UBE2E2: variants seen among roughly 807,000 people sequenced by gnomAD.
UBE2E2 encodes the protein ubiquitin-conjugating enzyme E2 E2.
In UBE2E2, 6 loss-of-function variants were observed where a neutral mutation model predicts 24.7. The observed-to-expected ratio is 0.24, with a 90% CI of 0.13 to 0.48. The LOEUF (loss-of-function observed/expected upper bound fraction) is 0.48, where lower values mean the gene tolerates loss of function less well. UBE2E2 is among the 20% of genes least tolerant of loss of function. The pLI is 0.99. For missense variants in UBE2E2, 169 were observed against 245.0 expected (o/e 0.69, Z 2.07); for synonymous variants, 104 against 83.6 (o/e 1.24, Z -1.33).
At chr3:23,429,016 A>G (rs530711645) in intron 3 of UBE2E2, among the ~76,000 whole-genome samples, 39 of 152,124 alleles carry the variant, frequency 2.6e-4, no homozygotes, top group Admixed American at 5.2e-4. Context: ...AAGAAATACT[A>G]TAAACAACTT....
chr3:23,249,796 C>T (rs1477174505), intron 3 of UBE2E2, among the ~76,000 whole-genome samples: 2 of 152,178 alleles, frequency 1.3e-5, no homozygotes, highest in East Asian at 3.9e-4. Flanking sequence ...GCTGGGACTA[C>T]AGGCACCCGC....
chr3:23,250,732 T>A (rs1272716281), intron 3 of UBE2E2, among the ~76,000 whole-genome samples: 1 of 152,226 alleles, frequency 6.6e-6, no homozygotes, highest in Non-Finnish European at 1.5e-5. Context: ...AAGAATTATA[T>A]ATTCTGTTGA....
chr3:23,227,731 G>C (rs1696865180), intron 3 of UBE2E2, among the ~76,000 whole-genome samples: 1 of 152,162 alleles, frequency 6.6e-6, no homozygotes, highest in Non-Finnish European at 1.5e-5. Flanking sequence ...GAATGGAATA[G>C]CACCTGCAGG....
intron 3 of UBE2E2, among the ~76,000 whole-genome samples, chr3:23,453,759 T>C (rs1698617539): frequency 1.3e-5 from 2 of 152,192 alleles, no homozygotes; most frequent in Non-Finnish European, 2.9e-5. Context: ...AGAGCTTTCT[T>C]GTAGAGCAGT....
chr3:23,243,280 A>C (rs567271796), intron 3 of UBE2E2, among the ~76,000 whole-genome samples: 2 of 152,256 alleles, frequency 1.3e-5, no homozygotes, highest in South Asian at 2.1e-4. Context: ...TACTACTACT[A>C]ATACCATTAT....
intron 3 of UBE2E2, among the ~76,000 whole-genome samples, chr3:23,232,848 G>A (rs565531676): frequency 1.3e-5 from 2 of 152,324 alleles, no homozygotes; most frequent in South Asian, 2.1e-4. Flanking sequence ...GCACTATTCT[G>A]TGGCACAGTT....
At chr3:23,418,523 A>G (rs1697706343) in intron 3 of UBE2E2, among the ~76,000 whole-genome samples, 2 of 152,194 alleles carry the variant, frequency 1.3e-5, no homozygotes, top group South Asian at 4.1e-4. Context: ...TTGTATTTTT[A>G]GTAAAGACGG....
chr3:23,484,071 A>T (rs1384269977), intron 3 of UBE2E2, among the ~76,000 whole-genome samples: 1 of 152,096 alleles, frequency 6.6e-6, no homozygotes, highest in African/African-American at 2.4e-5. Context: ...ATTCTTTATT[A>T]CGTCATTTAA....
chr3:23,286,952 G>T (rs1229899283), intron 3 of UBE2E2, among the ~76,000 whole-genome samples: 4 of 152,030 alleles, frequency 2.6e-5, no homozygotes, highest in Admixed American at 1.3e-4. Flanking sequence ...ATTGTTTGCT[G>T]TTGGCATATG....
intron 3 of UBE2E2, among the ~76,000 whole-genome samples, chr3:23,263,117 G>C (rs929062162): frequency 1.5e-4 from 23 of 152,168 alleles, no homozygotes; most frequent in African/African-American, 5.5e-4. Flanking sequence ...CTGAGATGGA[G>C]AGCATGAGGT....
At chr3:23,585,467 A>G (rs1042537339) in intron 5 of UBE2E2, among the ~76,000 whole-genome samples, 19 of 152,000 alleles carry the variant, frequency 1.3e-4, no homozygotes, top group African/African-American at 4.3e-4. Context: ...TCTCTATGAT[A>G]TTCTGTTAAC....
chr3:23,350,822 G>A (rs545867649), intron 3 of UBE2E2, among the ~76,000 whole-genome samples: 21 of 152,270 alleles, frequency 1.4e-4, no homozygotes, highest in African/African-American at 3.6e-4. Flanking sequence ...ACAGGATATT[G>A]TCCAGGAGAA....
intron 5 of UBE2E2, among the ~76,000 whole-genome samples, chr3:23,534,770 C>T (rs988070229): frequency 6.6e-6 from 1 of 152,048 alleles, no homozygotes; most frequent in Non-Finnish European, 1.5e-5. Flanking sequence ...TGAAGTTTAT[C>T]TTAAATCTAT....
At chr3:23,254,509 C>T (rs1471763035) in intron 3 of UBE2E2, among the ~76,000 whole-genome samples, 3 of 152,138 alleles carry the variant, frequency 2.0e-5, no homozygotes, top group African/African-American at 4.8e-5. Context: ...AGCCTGTGTT[C>T]TCAAGGGACA....
At chr3:23,382,475 C>T (rs1435037475) in intron 3 of UBE2E2, among the ~76,000 whole-genome samples, 3 of 152,106 alleles carry the variant, frequency 2.0e-5, no homozygotes, top group African/African-American at 7.2e-5. Context: ...AGCCACCGTG[C>T]CCGGCCTTAC....
rs572585494 is a variant in UBE2E2, at chr3:23,590,017, C to T, written c.*186C>T. On this transcript the variant is annotated 3_prime_UTR_variant, in exon 6 of 6. Transcript: ENST00000396703. ...TTCCTGCCCCCCTTCCTCTCTCCCA[C>T]GCTCTCTTTTATCTCTCATTTTATT... The T allele has an allele frequency of 1.9e-5, 10 of 533,040 alleles. No homozygotes were observed. The highest frequency in any genetic ancestry group is 1.5e-4 in the East Asian group (5 of 33,722). 33.0% of individuals were successfully genotyped at this position (533,040 alleles called of 1,614,324 possible).
chr3:23,368,792 A>G (rs1696326470), intron 3 of UBE2E2, among the ~76,000 whole-genome samples: 1 of 152,216 alleles, frequency 6.6e-6, no homozygotes, highest in African/African-American at 2.4e-5. Context: ...CAAAAAAGTC[A>G]TAAAATATAC....
In UBE2E2 at chr3:23,460,814, A is replaced by G. The variant is rs113450722; in HGVS notation, c.228-38794A>G. ...AAGTGTGAACAAAATTAAATGTTTT[A>G]TCATTGTTATTTTATTGATTTTTAA... On this transcript the variant is annotated intron_variant, in intron 3 of 5. Coordinates refer to ENST00000396703, the MANE Select transcript of UBE2E2 (RefSeq NM_152653.4). 5.5e-3 allele frequency among the ~76,000 whole-genome samples: 841 copies of G among 152,298 alleles called. 9 individuals carry two copies. Among genetic ancestry groups the G allele is most frequent in the African/African-American group, 0.019 (800 of 41,566 alleles).
intron 3 of UBE2E2, among the ~76,000 whole-genome samples, chr3:23,232,377 T>C (rs1575489853): frequency 6.6e-6 from 1 of 152,226 alleles, no homozygotes; most frequent in East Asian, 1.9e-4. Flanking sequence ...CCTGACGTAG[T>C]CAAGAAATAA....
Sources: allele counts gnomAD v4.1 joint callset (sites outside exome capture counted in the v4.1 genomes callset), GRCh38; gene constraint gnomAD v4.1.1; transcripts MANE v1.5; gene names NCBI Gene and HGNC (gene_info 2026-07-23, HGNC 2026-07-21).